Variants in EPHA3 observed in about 807,000 individuals in gnomAD.
EPHA3 encodes the protein EPH receptor A3, also known as ephrin type-A receptor 3.
EPHA3 carries 42 observed loss-of-function variants against 107.1 expected under a neutral mutation model. The ratio of observed to expected loss-of-function variants is 0.39; its 90% CI spans 0.31 to 0.51. The LOEUF (loss-of-function observed/expected upper bound fraction) is 0.51, where lower values mean the gene tolerates loss of function less well. Among genes scored for constraint, EPHA3 ranks in the 20% least tolerant of loss-of-function variants. EPHA3 has a pLI of 0.78. For synonymous variants in EPHA3, 461 were observed against 424.8 expected (o/e 1.09, Z -1.05); for missense variants, 1,183 against 1,211.2 (o/e 0.98, Z 0.35).
intron 7 of EPHA3, among the ~76,000 whole-genome samples, chr3:89,405,964 G>A (rs1354406855): frequency 1.3e-5 from 2 of 152,092 alleles, no homozygotes; most frequent in African/African-American, 4.8e-5. Context: ...AAGTTATAAA[G>A]AGCCAAAATT....
intron 3 of EPHA3, among the ~76,000 whole-genome samples, chr3:89,288,785 T>C (rs1480013149): frequency 3.9e-5 from 6 of 152,190 alleles, no homozygotes; most frequent in African/African-American, 1.4e-4. Context: ...GGAGGCATTG[T>C]GGTTGAGAAA....
At chr3:89,250,176 T>A (rs1049042582) in intron 3 of EPHA3, among the ~76,000 whole-genome samples, 3 of 152,244 alleles carry the variant, frequency 2.0e-5, no homozygotes, top group Admixed American at 1.3e-4. Flanking sequence ...GGTTAACTGA[T>A]GTCATACAAA....
chr3:89,178,247 A>G (rs12494685), intron 2 of EPHA3, among the ~76,000 whole-genome samples: 7 of 35,454 alleles, frequency 2.0e-4, no homozygotes, highest in Non-Finnish European at 6.7e-4. Flanking sequence ...ATATGTAGCC[A>G]ATAGATAGAT....
At position 89,363,527 on chromosome 3, in the gene EPHA3, C is replaced by A. The variant is rs570727620; in HGVS notation, c.1306+21437C>A. Among the ~76,000 whole-genome samples, 33 of 150,964 alleles carry A rather than the reference C, an allele frequency of 2.2e-4. 1 individual carries two copies. The highest frequency in any genetic ancestry group is 6.5e-4 in the African/African-American group (27 of 41,444). On this transcript the variant is annotated intron_variant, in intron 5 of 16. Coordinates refer to ENST00000336596, the MANE Select transcript of EPHA3 (RefSeq NM_005233.6). ...CCCACACACATTATTGGAGTACAATCTGCTTTACTCAAAAGTGTGCCGATT... is the reference window on the plus strand; with the variant it reads ...CCCACACACATTATTGGAGTACAATATGCTTTACTCAAAAGTGTGCCGATT...
At chr3:89,391,120 C>T (rs2107498329) in intron 5 of EPHA3, among the ~76,000 whole-genome samples, 1 of 152,154 alleles carries the variant, frequency 6.6e-6, no homozygotes, top group South Asian at 2.1e-4. Flanking sequence ...TTATAAAACA[C>T]ATATTACTAG....
At chr3:89,242,405 TTC>T (rs1436273501) in intron 3 of EPHA3, among the ~76,000 whole-genome samples, 1 of 152,162 alleles carries the variant, frequency 6.6e-6, no homozygotes, top group Admixed American at 6.5e-5. Flanking sequence ...TTTTAGTATT[TTC>T]TTTTTTGTTG....
chr3:89,280,769 T>A (rs1705925589), intron 3 of EPHA3, among the ~76,000 whole-genome samples: 1 of 152,138 alleles, frequency 6.6e-6, no homozygotes, highest in Admixed American at 6.5e-5. Context: ...CAATACTGAC[T>A]ATATTACAAC....
At chr3:89,413,387 G>T in intron 10 of EPHA3, 121 bp downstream of exon 10, 2 of 1,284,350 alleles carry the variant, frequency 1.6e-6, no homozygotes, top group Middle Eastern at 1.9e-4. Flanking sequence ...TCAAAGGCAA[G>T]TAATAAATAA....
rs369223066 is a variant in EPHA3, at chr3:89,151,241, C to A, written c.153+23968C>A. The stretch of plus-strand genomic sequence containing the variant: ...AATCCATTATCTTTACTAGAAGAAA[C>A]CCGATTTTTATTCAGACATTCAGAG... On this transcript the variant is annotated intron_variant, in intron 2 of 16. Coordinates refer to ENST00000336596, the MANE Select transcript of EPHA3 (RefSeq NM_005233.6). Among the ~76,000 whole-genome samples, 221 of 152,112 alleles carry A rather than the reference C, an allele frequency of 1.5e-3. 2 individuals carry two copies. The highest frequency in any genetic ancestry group is 5.0e-3 in the African/African-American group (208 of 41,530).
chr3:89,130,386 T>G (rs1704180500), intron 2 of EPHA3, among the ~76,000 whole-genome samples: 1 of 152,200 alleles, frequency 6.6e-6, no homozygotes, highest in Non-Finnish European at 1.5e-5. Flanking sequence ...CCAAATCTGT[T>G]GAAATATAAA....
intron 3 of EPHA3, among the ~76,000 whole-genome samples, chr3:89,233,166 T>C (rs534060462): frequency 6.6e-6 from 1 of 152,288 alleles, no homozygotes; most frequent in South Asian, 2.1e-4. Flanking sequence ...ATTTGAAATA[T>C]ATATATATAC....
intron 2 of EPHA3, among the ~76,000 whole-genome samples, chr3:89,155,737 C>A (rs180978298): frequency 2.6e-5 from 4 of 152,068 alleles, no homozygotes; most frequent in Non-Finnish European, 4.4e-5. Context: ...TTCTCATATA[C>A]CAGTTTGTGG....
intron 2 of EPHA3, among the ~76,000 whole-genome samples, chr3:89,154,282 T>G (rs1704749822): frequency 6.6e-6 from 1 of 151,390 alleles, no homozygotes; most frequent in Non-Finnish European, 1.5e-5. Context: ...TTTTTTTTTT[T>G]TTTATTTTTA....
intron 13 of EPHA3, among the ~76,000 whole-genome samples, chr3:89,434,998 T>C (rs1709637794): frequency 6.6e-6 from 1 of 152,138 alleles, no homozygotes; most frequent in Non-Finnish European, 1.5e-5. Context: ...TGATTTAATC[T>C]CTCATAATAG....
chr3:89,449,987 T>C (rs1445770151), intron 14 of EPHA3, among the ~76,000 whole-genome samples, 190 bp from the exon 15 acceptor site: 2 of 152,220 alleles, frequency 1.3e-5, no homozygotes, highest in Non-Finnish European at 2.9e-5. Flanking sequence ...TCTTCCTTTA[T>C]ATAATATTTT....
intron 2 of EPHA3, among the ~76,000 whole-genome samples, chr3:89,181,884 T>C (rs1705451050): frequency 6.6e-6 from 1 of 151,982 alleles, no homozygotes; most frequent in Admixed American, 6.6e-5. Context: ...TGAATCATTA[T>C]TCCTTGGCAA....
intron 3 of EPHA3, among the ~76,000 whole-genome samples, chr3:89,244,056 A>G (rs1401890926): frequency 6.6e-6 from 1 of 152,114 alleles, no homozygotes; most frequent in Non-Finnish European, 1.5e-5. Context: ...TGTCTTAGGA[A>G]TTTGATTATT....
rs1215369952 is a variant in EPHA3, at chr3:89,352,902, C to CAAAAAAAAAAAA, written c.1306+10822_1306+10833dup. On this transcript the variant is annotated intron_variant, in intron 5 of 16. Coordinates refer to ENST00000336596, the MANE Select transcript of EPHA3 (RefSeq NM_005233.6). The stretch of plus-strand genomic sequence containing the variant: ...TGGGCGACAGAGCAAGACTCTGTCT[C>CAAAAAAAAAAAA]AAAAAAAAAAAAAAAAAAAAAGGAA... Among the ~76,000 whole-genome samples, 9 of 41,002 alleles carry CAAAAAAAAAAAA rather than the reference C, an allele frequency of 2.2e-4. 1 individual carries two copies. Among genetic ancestry groups the CAAAAAAAAAAAA allele is most frequent in the African/African-American group, 8.8e-4 (9 of 10,182 alleles). The allele number at this position is 41,002 out of a possible 152,430, so 26.9% of individuals were successfully genotyped here.
At chr3:89,114,604 C>T (rs1023129392) in intron 1 of EPHA3, among the ~76,000 whole-genome samples, 3 of 152,200 alleles carry the variant, frequency 2.0e-5, no homozygotes, top group East Asian at 3.9e-4. Flanking sequence ...CCACGGCCTC[C>T]GTCCCGAGGT....
Sources: gnomAD v4.1 joint callset for allele counts (sites outside exome capture counted in the v4.1 genomes callset) on GRCh38, gnomAD v4.1.1 for gene constraint, MANE v1.5 for transcripts, NCBI Gene and HGNC (gene_info 2026-07-23, HGNC 2026-07-21) for gene names.